LAMB1: variants seen among roughly 807,000 people sequenced by gnomAD.
LAMB1 encodes laminin subunit beta-1.
A neutral mutation model predicts 222.3 loss-of-function variants in LAMB1; 121 were observed. The observed-to-expected ratio is 0.54, with a 90% CI of 0.47 to 0.63. The LOEUF (loss-of-function observed/expected upper bound fraction) is 0.63, where lower values mean the gene tolerates loss of function less well. Ranked by LOEUF, LAMB1 falls within the 30% of genes least tolerant of loss-of-function variation. The pLI, the probability that LAMB1 is intolerant of heterozygous loss-of-function variation, is 0.00. For synonymous variants in LAMB1, 794 were observed against 807.2 expected (o/e 0.98, Z 0.28); for missense variants, 2,172 against 2,240.8 (o/e 0.97, Z 0.62).
chr7:107,925,810 A>G (rs1307835953), intron 32 of LAMB1, among the ~76,000 whole-genome samples: 1 of 151,866 alleles, frequency 6.6e-6, no homozygotes, highest in East Asian at 1.9e-4. Flanking sequence ...AAATGGCCTG[A>G]TAATTACTAT....
intron 24 of LAMB1, among the ~76,000 whole-genome samples, chr7:107,943,126 C>T (rs562658099): frequency 2.6e-5 from 4 of 152,214 alleles, no homozygotes; most frequent in African/African-American, 7.2e-5. Context: ...AATGGTGATC[C>T]GTAGACCATA....
chr7:107,923,964 C>CTA lies in LAMB1; in HGVS notation c.5346_5347dup (p.Ser1783IlefsTer10), dbSNP rs774935596. 5.6e-6 allele frequency: 9 copies of CTA among 1,609,244 alleles called. No individual in the cohort carries two copies. The South Asian group carries it at 7.8e-5, about 14-fold the overall frequency. On this transcript the variant is annotated frameshift_variant, in exon 34 of 34. Transcript: ENST00000222399. LOFTEE classifies it high-confidence loss of function. ...TATTCTCCTCTGTTACAAGCATGTGCTATACACAGCAACTTTCTGGCTTAT... is the reference window on the plus strand; with the variant it reads ...TATTCTCCTCTGTTACAAGCATGTGCTATATACACAGCAACTTTCTGGCTTAT...
chr7:107,998,749 C>T lies in LAMB1; in HGVS notation c.214-257G>A, dbSNP rs536422603. 1.1e-4 allele frequency among the ~76,000 whole-genome samples: 17 copies of T among 152,248 alleles called. No individual in the cohort carries two copies. The South Asian group carries it at 1.2e-3, about 11-fold the overall frequency. On this transcript the variant is annotated intron_variant, in intron 3 of 33. Coordinates refer to ENST00000222399, the MANE Select transcript of LAMB1 (RefSeq NM_002291.3). ...TAAAAGAGGGCATTGTTTCCACAAGCTATTAATTTAACCAAAATCAAATTT... is the reference window on the plus strand; with the variant it reads ...TAAAAGAGGGCATTGTTTCCACAAGTTATTAATTTAACCAAAATCAAATTT...
chr7:107,943,426 C>A (rs535298032), intron 24 of LAMB1, among the ~76,000 whole-genome samples: 2 of 152,278 alleles, frequency 1.3e-5, no homozygotes, highest in South Asian at 4.1e-4. Flanking sequence ...AGATAACTTA[C>A]AAATAACTTA....
At position 107,973,990 on chromosome 7, in the gene LAMB1, T is replaced by C. The variant is rs995778264; in HGVS notation, c.1483-919A>G. ...AAAAATTTTAGAGATGGGGTCTTGC[T>C]GGTCTCAAACTCATGATCTCAAGCA... On this transcript the variant is annotated intron_variant, in intron 12 of 33. Coordinates refer to ENST00000222399, the MANE Select transcript of LAMB1 (RefSeq NM_002291.3). Among the ~76,000 whole-genome samples, 26 of 152,146 alleles carry C rather than the reference T, an allele frequency of 1.7e-4. 1 individual carries two copies. Among genetic ancestry groups the C allele is most frequent in the African/African-American group, 6.3e-4 (26 of 41,434 alleles).
At chr7:108,000,499 A>G (rs917554359) in intron 3 of LAMB1, among the ~76,000 whole-genome samples, 1 of 152,216 alleles carries the variant, frequency 6.6e-6, no homozygotes, top group African/African-American at 2.4e-5. Flanking sequence ...CCGAATGTGA[A>G]ACTGATACTT....
chr7:107,952,174 A>G lies in LAMB1; in HGVS notation c.3129T>C (p.Ser1043=), dbSNP rs1270571732. ...CAGTGGCTTTGTCGCACTGGCAGTC[A>G]GAGCCGTTACAGTGCTCTTGCACGG... is the stretch of plus-strand genomic sequence containing the variant. ...LGTVQEHCNG[S]DCQCDKATGQ... The change falls in exon 23 of 34, where the codon TCT becomes TCC. Residue 1043 remains serine (S), a synonymous_variant. Coordinates refer to ENST00000222399, the MANE Select transcript of LAMB1 (RefSeq NM_002291.3). 1 of 1,613,518 alleles carries G rather than the reference A, an allele frequency of 6.2e-7. No individual in the cohort carries two copies. The highest frequency in any genetic ancestry group is 8.5e-7 in the Non-Finnish European group (1 of 1,179,558).
rs1051164315 is a variant in LAMB1 at position 107,962,979 on chromosome 7, C to T, written c.1783G>A (p.Ala595Thr). The stretch of plus-strand genomic sequence containing the variant: ...TTGTCAATGAAAAACTCCAAATAAG[C>T]CCCTTCAGGCACTCGGACGAAGCCG... The part of the protein sequence containing the change: ...GAGFVRVPEG[A>T]YLEFFIDNIP... The change falls in exon 15 of 34, where the codon GCT becomes ACT. Residue 595 changes from alanine (A) to threonine (T), a missense_variant. By Grantham distance (58) the Ala-to-Thr change is moderately conservative (BLOSUM62 0). Coordinates refer to ENST00000222399, the MANE Select transcript of LAMB1 (RefSeq NM_002291.3). 2 of 1,613,888 alleles carry T rather than the reference C, an allele frequency of 1.2e-6. No individual in the cohort carries two copies. The highest frequency in any genetic ancestry group is 1.3e-5 in the African/African-American group (1 of 74,884).
intron 25 of LAMB1, 75 bp downstream of exon 25, chr7:107,939,914 C>G: frequency 6.6e-7 from 1 of 1,503,986 alleles, no homozygotes; most frequent in Non-Finnish European, 9.0e-7. Flanking sequence ...AGCACCATGC[C>G]AGGAAATCTT....
chr7:107,928,094 A>T lies in LAMB1; in HGVS notation c.4887+970T>A, dbSNP rs372718007. Among the ~76,000 whole-genome samples, 13 of 152,370 alleles carry T rather than the reference A, an allele frequency of 8.5e-5. No homozygotes were observed. In the East Asian group the frequency reaches 2.1e-3, roughly 25 times the overall value. On this transcript the variant is annotated intron_variant, in intron 31 of 33. Transcript: ENST00000222399. The stretch of plus-strand genomic sequence containing the variant: ...CATTAACTTTCTGAGAAACAAAAGA[A>T]TTTAATGGAATTATGTTTGCATTAC...
intron 21 of LAMB1, among the ~76,000 whole-genome samples, chr7:107,955,089 T>A (rs1362706505): frequency 6.6e-6 from 1 of 152,226 alleles, no homozygotes. Flanking sequence ...TGGATGATAT[T>A]ATTTCTTTCT....
At chr7:107,990,397 A>G (rs2034160417) in intron 5 of LAMB1, among the ~76,000 whole-genome samples, 1 of 152,166 alleles carries the variant, frequency 6.6e-6, no homozygotes, top group Admixed American at 6.5e-5. Context: ...TGTACATGCT[A>G]AATGAGCTTT....
At chr7:107,934,085 A>G (rs537887432) in intron 27 of LAMB1, among the ~76,000 whole-genome samples, 3 of 152,198 alleles carry the variant, frequency 2.0e-5, no homozygotes, top group Non-Finnish European at 4.4e-5. Flanking sequence ...GTCTCCTGTT[A>G]GCTGCAATTT....
Position 107,978,185 on chromosome 7 carries a change from C to T in LAMB1, c.880-18G>A. 6.2e-7 allele frequency: 1 copy of T among 1,612,320 alleles called. No individual in the cohort carries two copies. The highest frequency in any genetic ancestry group is 1.1e-5 in the South Asian group (1 of 90,606). ...CCGTGAACCTTGAAAGTTATAAAAA[C>T]AGGAGAGAACAAAGGAAGAGATGTA... On this transcript the variant is annotated intron_variant, in intron 8 of 33. Transcript: ENST00000222399.
chr7:107,998,623 T>C (rs571219565), intron 3 of LAMB1, 131 bp from the exon 4 acceptor site: 47 of 709,534 alleles, frequency 6.6e-5, no homozygotes, highest in Non-Finnish European at 1.0e-4. Context: ...TGTGTGAAAA[T>C]TGCTTAGGAG....
chr7:107,980,896 GA>G, intron 7 of LAMB1, 85 bp from the exon 8 acceptor site: 8 of 765,800 alleles, frequency 1.0e-5, no homozygotes, highest in Non-Finnish European at 1.7e-5. Context: ...TCTTTTTAGA[GA>G]AAGGCATGAC....
chr7:107,941,822 C>CTTT lies in LAMB1; in HGVS notation c.3392-1467_3392-1465dup, dbSNP rs774447066. Among the ~76,000 whole-genome samples the CTTT allele has an allele frequency of 1.6e-4, 5 of 31,842 alleles. 1 individual carries two copies. Among genetic ancestry groups the CTTT allele is most frequent in the Admixed American group, 5.0e-4 (1 of 2,002 alleles). 20.9% of individuals were successfully genotyped at this position (31,842 alleles called of 152,430 possible). A position where few individuals can be genotyped will look rare whatever the true frequency, so the allele number is the denominator to read the frequency against. On this transcript the variant is annotated intron_variant, in intron 24 of 33. Coordinates refer to ENST00000222399, the MANE Select transcript of LAMB1 (RefSeq NM_002291.3). ...TACAGGCATGCGCCACCACACCCGG[C>CTTT]TTTTTTTTTTTTTTTTTTTTTTTTT...
chr7:107,987,165 T>C (rs1313120052), intron 5 of LAMB1, among the ~76,000 whole-genome samples: 1 of 152,198 alleles, frequency 6.6e-6, no homozygotes. Flanking sequence ...TGGATGAACC[T>C]TGAAAGCATT....
intron 4 of LAMB1, 96 bp downstream of exon 4, chr7:107,998,261 G>C: frequency 8.1e-7 from 1 of 1,232,958 alleles, no homozygotes. Context: ...ACAGGACAGA[G>C]AAGTGAATCA....
Sources: allele counts gnomAD v4.1 joint callset (sites outside exome capture counted in the v4.1 genomes callset), GRCh38; gene constraint gnomAD v4.1.1; transcripts MANE v1.5; gene names NCBI Gene and HGNC (gene_info 2026-07-23, HGNC 2026-07-21).